RASEF: variants seen among roughly 807,000 people sequenced by gnomAD.
RASEF encodes RAS and EF-hand domain containing, also known as ras and EF-hand domain-containing protein.
Under a neutral mutation model 90.1 loss-of-function variants are expected in RASEF, and 68 were observed. The ratio of observed to expected loss-of-function variants is 0.75; its 90% CI spans 0.62 to 0.92. The LOEUF (loss-of-function observed/expected upper bound fraction) is 0.92. Among genes scored for constraint, RASEF ranks in the 40% least tolerant of loss-of-function variants. The pLI is 0.00. For missense variants in RASEF, 949 were observed against 937.2 expected (o/e 1.01, Z -0.16); for synonymous variants, 331 against 345.2 (o/e 0.96, Z 0.46).
chr9:83,076,609 G>C, the RASEF span, among the ~76,000 whole-genome samples: 1 of 152,030 alleles, frequency 6.6e-6, no homozygotes, highest in Admixed American at 6.5e-5. Flanking sequence ...TATTTTTCTA[G>C]GTGATATTTA....
At position 83,025,775 on chromosome 9, in the gene RASEF, C is replaced by G. The variant is rs1829534450; in HGVS notation, c.578G>C (p.Arg193Thr). 2 of 1,613,072 alleles carry G rather than the reference C, an allele frequency of 1.2e-6. No individual in the cohort carries two copies. The highest frequency in any genetic ancestry group is 1.7e-6 in the Non-Finnish European group (2 of 1,179,736). Residue 193 changes from arginine to threonine, a missense_variant and splice_region_variant, in exon 2 of 17, where the codon AGA (arginine) becomes ACA (threonine). By Grantham distance (71) the Arg-to-Thr change is moderately conservative (BLOSUM62 -1). Coordinates refer to ENST00000376447, the MANE Select transcript of RASEF (RefSeq NM_152573.4). ...EMENLAIAVKRAQDKAAMQLS... is the reference protein window; with the variant it reads ...EMENLAIAVKTAQDKAAMQLS... ...ACTTATAAAGGAAGGACTTCAATAC[C>G]TCTTCACCGCAATGGCCAAATTTTC... is the stretch of plus-strand genomic sequence containing the variant.
intron 1 of RASEF, chr9:83,048,406 T>C (rs972378161): frequency 1.0e-6 from 1 of 985,250 alleles, no homozygotes; most frequent in African/African-American, 1.7e-5. Context: ...TTCTTGCTAC[T>C]TTATATCCTC....
chr9:83,042,413 G>A (rs1829859071), intron 1 of RASEF, among the ~76,000 whole-genome samples: 2 of 152,164 alleles, frequency 1.3e-5, no homozygotes, highest in Admixed American at 1.3e-4. Flanking sequence ...GTGACTGACA[G>A]ACTCCAGTGG....
chr9:82,983,155 A>ACACACACACC (rs1554704230), intron 16 of RASEF, among the ~76,000 whole-genome samples: 1 of 122,822 alleles, frequency 8.1e-6, no homozygotes, highest in South Asian at 2.7e-4. Flanking sequence ...ACACACACAC[A>ACACACACACC]CCCTTCTCCC....
At chr9:83,004,136 G>A (rs1460555480) in intron 9 of RASEF, among the ~76,000 whole-genome samples, 2 of 152,072 alleles carry the variant, frequency 1.3e-5, no homozygotes, top group Non-Finnish European at 2.9e-5. Flanking sequence ...AATATTTACA[G>A]ATCATGCCAA....
chr9:83,029,306 A>T (rs1420526459), intron 1 of RASEF, among the ~76,000 whole-genome samples: 1 of 151,964 alleles, frequency 6.6e-6, no homozygotes, highest in African/African-American at 2.4e-5. Flanking sequence ...ACACTGAAAA[A>T]CGTAAGGTAC....
chr9:83,066,281 T>G (rs772437100), upstream of RASEF, among the ~76,000 whole-genome samples: 3 of 152,166 alleles, frequency 2.0e-5, no homozygotes, highest in Non-Finnish European at 4.4e-5. Context: ...TTTCCCAGCT[T>G]AAGTAAAAGA....
chr9:83,133,839 C>T, the RASEF span, among the ~76,000 whole-genome samples: 4 of 152,106 alleles, frequency 2.6e-5, no homozygotes, highest in African/African-American at 9.7e-5. Context: ...GAATGGTGCT[C>T]TTACTGAGCT....
At chr9:83,057,564 A>C (rs1830122837) in intron 1 of RASEF, among the ~76,000 whole-genome samples, 1 of 152,132 alleles carries the variant, frequency 6.6e-6, no homozygotes, top group Non-Finnish European at 1.5e-5. Context: ...AGATGTTAGG[A>C]TCCCGGTTCA....
intron 5 of RASEF, among the ~76,000 whole-genome samples, chr9:83,010,009 A>C (rs2118495101): frequency 6.6e-6 from 1 of 152,346 alleles, no homozygotes; most frequent in East Asian, 1.9e-4. Context: ...AAACTACAAC[A>C]GTCAAGGGTT....
the RASEF span, chr9:83,200,978 TAA>T: frequency 6.6e-6 from 1 of 152,184 alleles, no homozygotes; most frequent in African/African-American, 2.4e-5. Flanking sequence ...ATTTTGTACA[TAA>T]AGACTTTCAA....
the RASEF span, among the ~76,000 whole-genome samples, chr9:83,203,274 C>CT: frequency 0.034 from 4,991 of 146,778 alleles, 274 homozygotes; most frequent in African/African-American, 0.12. Flanking sequence ...TATTTCAGTC[C>CT]TTTTTTTTTT....
the RASEF span, among the ~76,000 whole-genome samples, chr9:83,178,832 C>T: frequency 1.3e-5 from 2 of 152,120 alleles, no homozygotes. Context: ...AATGGGTTTC[C>T]TTCCACAATG....
At chr9:83,198,386 A>C in the RASEF span, among the ~76,000 whole-genome samples, 1 of 149,504 alleles carries the variant, frequency 6.7e-6, no homozygotes, top group Non-Finnish European at 1.5e-5. Flanking sequence ...GTCCCCTTTA[A>C]CATGCATAAG....
At chr9:83,071,701 C>T in the RASEF span, among the ~76,000 whole-genome samples, 10 of 152,262 alleles carry the variant, frequency 6.6e-5, no homozygotes, top group Admixed American at 1.3e-4. Flanking sequence ...CCACTGCACA[C>T]GGCTTCCTTC....
rs1339876528 is a variant in RASEF, at chr9:82,980,361, A to G, written c.*2316T>C. The G allele has an allele frequency of 6.6e-6, 1 of 152,216 alleles. No homozygotes were observed. Among genetic ancestry groups the G allele is most frequent in the Non-Finnish European group, 1.5e-5 (1 of 68,040 alleles). The allele number at this position is 152,216 out of a possible 1,614,324, so 9.4% of individuals were successfully genotyped here. A position where few individuals can be genotyped will look rare whatever the true frequency, so the allele number is the denominator to read the frequency against. On this transcript the variant is annotated 3_prime_UTR_variant, in exon 17 of 17. Transcript: ENST00000376447. ...AGAGCTTTAAGAAGCTTCTCTTTAA[A>G]CATGATTGCTAACCAGAGCTCTAAG... is the stretch of plus-strand genomic sequence containing the variant.
intron 1 of RASEF, among the ~76,000 whole-genome samples, chr9:83,036,745 C>T (rs952241046): frequency 2.0e-5 from 3 of 152,006 alleles, no homozygotes; most frequent in Non-Finnish European, 4.4e-5. Context: ...TGAGGAAATC[C>T]GAATATGGAC....
chr9:83,165,627 G>A, the RASEF span, among the ~76,000 whole-genome samples: 2 of 151,996 alleles, frequency 1.3e-5, no homozygotes, highest in Non-Finnish European at 2.9e-5. Context: ...CCAAAGTAAG[G>A]AAAACACACG....
At chr9:83,171,998 G>A in the RASEF span, among the ~76,000 whole-genome samples, 9 of 151,804 alleles carry the variant, frequency 5.9e-5, no homozygotes, top group East Asian at 5.8e-4. Flanking sequence ...GAGGTGTATC[G>A]TTAGGTTGTT....
Sources: allele counts gnomAD v4.1 joint callset (sites outside exome capture counted in the v4.1 genomes callset), GRCh38; gene constraint gnomAD v4.1.1; transcripts MANE v1.5; gene names NCBI Gene and HGNC (gene_info 2026-07-23, HGNC 2026-07-21).